The following KCTD1 variants were observed in gnomAD, a reference collection of about 807,000 sequenced individuals.
The protein encoded by KCTD1 is potassium channel tetramerization domain containing 1, also known as BTB/POZ domain-containing protein KCTD1.
A neutral mutation model predicts 66.0 loss-of-function variants in KCTD1; 24 were observed. That is an observed-to-expected ratio of 0.36 (90% CI 0.26 to 0.51). KCTD1 has a LOEUF of 0.51. Among genes scored for constraint, KCTD1 ranks in the 20% least tolerant of loss-of-function variants. The pLI is 0.95. For missense variants in KCTD1, 943 were observed against 1,205.2 expected, an observed-to-expected ratio of 0.78 and a Z score of 3.22; for synonymous variants, 511 against 517.2, an observed-to-expected ratio of 0.99 and a Z score of 0.16.
chr18:26,549,228 C>G (rs1040637714), upstream of KCTD1: 404 of 986,374 alleles, frequency 4.1e-4, no homozygotes, highest in African/African-American at 2.1e-3. Context: ...GCGGCGGCGG[C>G]GGCTCCCCCA....
At position 26,548,524 on chromosome 18, in the gene KCTD1, G is replaced by C; in HGVS notation, c.13C>G (p.Pro5Ala). 1 of 1,238,606 alleles carries C rather than the reference G, an allele frequency of 8.1e-7. No homozygotes were observed. The highest frequency in any genetic ancestry group is 1.0e-6 in the Non-Finnish European group (1 of 996,028). 76.7% of individuals were successfully genotyped at this position (1,238,606 alleles called of 1,614,324 possible). Residue 5 changes from proline (P) to alanine (A), a missense_variant, in exon 1 of 5, where the codon CCT becomes GCT. By Grantham distance (27) the Pro-to-Ala change is conservative. This residue lies in a region of KCTD1 where 236 missense variants were observed against 206.6 expected (regional missense o/e 1.14). Coordinates refer to ENST00000580059, the MANE Select transcript of KCTD1 (RefSeq NM_001142730.3). MARM[P>A]GSGDCNTSAG... ...CTGGTGTTACAGTCCCCGCTGCCAG[G>C]CATTCTCGCCATATTGCCGTCTCTC...
rs560259364 is a variant in KCTD1 at position 26,634,597 on chromosome 18, C to T, written c.-106-5360G>A. On this transcript the variant is annotated intron_variant, in intron 1 of 5. Coordinates refer to the KCTD1 transcript ENST00000579973. Reference sequence around the variant, plus strand: ...TATGTATGATATGATTACATGTGCACATTTATATAATTAAAATTTATATTT... The same window carrying T: ...TATGTATGATATGATTACATGTGCATATTTATATAATTAAAATTTATATTT... Among the ~76,000 whole-genome samples the T allele has an allele frequency of 3.3e-5, 5 of 152,190 alleles. No individual in the cohort carries two copies. The East Asian group carries it at 9.6e-4, about 29-fold the overall frequency.
At chr18:26,619,010 G>A (rs1014480678) in intron 1 of KCTD1, among the ~76,000 whole-genome samples, 1 of 152,058 alleles carries the variant, frequency 6.6e-6, no homozygotes, top group African/African-American at 2.4e-5. Flanking sequence ...TGGAGTCTTC[G>A]GCCTTCTCTG....
chr18:26,478,697 A>G (rs191160218), intron 2 of KCTD1, among the ~76,000 whole-genome samples: 208 of 152,332 alleles, frequency 1.4e-3, no homozygotes, highest in African/African-American at 4.7e-3. Flanking sequence ...GGAGTGCGGA[A>G]TGAGAATGGG....
intron 1 of KCTD1, among the ~76,000 whole-genome samples, chr18:26,656,303 C>G (rs1296190004): frequency 6.6e-6 from 1 of 151,962 alleles, no homozygotes; most frequent in Non-Finnish European, 1.5e-5. Flanking sequence ...CGCATCCTTC[C>G]CCCGTCCCAG....
At chr18:26,530,667 T>G (rs750488821) in intron 1 of KCTD1, among the ~76,000 whole-genome samples, 2 of 152,218 alleles carry the variant, frequency 1.3e-5, no homozygotes, top group Non-Finnish European at 2.9e-5. Context: ...AAATTAAAAT[T>G]GGAACATACG....
At position 26,546,864 on chromosome 18, in the gene KCTD1, C is replaced by A. The variant is rs866746973; in HGVS notation, c.1673G>T (p.Arg558Leu). The A allele has an allele frequency of 6.6e-7, 1 of 1,506,330 alleles. No homozygotes were observed. The allele number at this position is 1,506,330 out of a possible 1,614,324, so 93.3% of individuals were successfully genotyped here. A position where few individuals can be genotyped will look rare whatever the true frequency, so the allele number is the denominator to read the frequency against. The change falls in exon 1 of 5, where the codon CGC becomes CTC. Residue 558 changes from arginine to leucine, a missense_variant. Arg to Leu is a moderately radical substitution (Grantham distance 102, BLOSUM62 -2). This residue lies in a region of KCTD1 where 197 missense variants were observed against 182.7 expected (regional missense o/e 1.08). Transcript: ENST00000580059. ...CACCGCATCCACAGGCTCCGAGGGG[C>A]GGATACAAAGTCTTTTGGGGGAAGT... Reference protein sequence around the residue: ...GPTSPKRLCIRPSEPVDAVVV... With the variant: ...GPTSPKRLCILPSEPVDAVVV...
intron 1 of KCTD1, among the ~76,000 whole-genome samples, chr18:26,539,875 A>T (rs1452442678): frequency 1.3e-5 from 2 of 152,268 alleles, no homozygotes; most frequent in Admixed American, 1.3e-4. Flanking sequence ...GGATTTTTTC[A>T]AATATCAAGT....
chr18:26,462,928 G>GCTT (rs1980515029), intron 3 of KCTD1, among the ~76,000 whole-genome samples: 1 of 152,118 alleles, frequency 6.6e-6, no homozygotes, highest in Non-Finnish European at 1.5e-5. Context: ...CCTTTCTGGG[G>GCTT]CTTTTACAAA....
intron 1 of KCTD1, among the ~76,000 whole-genome samples, chr18:26,587,963 A>G (rs1986507279): frequency 6.6e-6 from 1 of 152,258 alleles, no homozygotes; most frequent in African/African-American, 2.4e-5. Context: ...GTTTTAGAAT[A>G]TGACATAAAT....
chr18:26,561,258 CA>C (rs1243073074), intron 1 of KCTD1, among the ~76,000 whole-genome samples: 1 of 152,096 alleles, frequency 6.6e-6, no homozygotes, highest in Non-Finnish European at 1.5e-5. Context: ...AAATCATTTA[CA>C]GTGGTGACTT....
chr18:26,550,809 A>G (rs2144855080), upstream of KCTD1, among the ~76,000 whole-genome samples: 1 of 152,340 alleles, frequency 6.6e-6, no homozygotes, highest in South Asian at 2.1e-4. This position sits in a 1 kb window ranked among gnomAD's most constrained non-coding sequence, Gnocchi z 5.4. Context: ...ACGAGCTGGC[A>G]CACACTAGTC....
intron 1 of KCTD1, among the ~76,000 whole-genome samples, chr18:26,625,782 A>C (rs1987485579): frequency 6.6e-6 from 1 of 152,188 alleles, no homozygotes; most frequent in Non-Finnish European, 1.5e-5. Flanking sequence ...ATGATGCAGT[A>C]GGTGTCTTTT....
Position 26,501,060 on chromosome 18 carries a change from T to G in KCTD1, c.1988+12A>C. The stretch of plus-strand genomic sequence containing the variant: ...GCACGTCGGAGTCTGATTTTTCAGT[T>G]TTTCAGATTACCTGGATTCAGGGTA... On this transcript the variant is annotated intron_variant, in intron 2 of 4. Transcript: ENST00000580059. 1 of 1,609,214 alleles carries G rather than the reference T, an allele frequency of 6.2e-7. No homozygotes were observed. Among genetic ancestry groups the G allele is most frequent in the Non-Finnish European group, 8.5e-7 (1 of 1,176,704 alleles).
chr18:26,596,191 T>C (rs748588555), intron 1 of KCTD1, among the ~76,000 whole-genome samples: 1 of 152,148 alleles, frequency 6.6e-6, no homozygotes, highest in Non-Finnish European at 1.5e-5. Flanking sequence ...GGAAGGTAAC[T>C]AGGGTTAGGT....
upstream of KCTD1, among the ~76,000 whole-genome samples, chr18:26,643,056 G>C (rs1410986763): frequency 1.3e-5 from 2 of 152,128 alleles, no homozygotes; most frequent in African/African-American, 4.8e-5. Flanking sequence ...AGACTGGGTG[G>C]CTTAAACAAC....
rs376594667 is a variant in KCTD1 at position 26,586,859 on chromosome 18, AG to A, written c.-16+42287del. ...AGGGGTGAGGTAGCTGTAGAAGAAA[AG>A]TTTGAAGCTAGCAGAGGTTGTTGGT... On this transcript the variant is annotated intron_variant, in intron 1 of 4. Coordinates refer to the KCTD1 transcript ENST00000317932. Among the ~76,000 whole-genome samples the A allele has an allele frequency of 8.5e-5, 13 of 152,340 alleles. No individual in the cohort carries two copies. In the East Asian group the frequency reaches 1.9e-3, roughly 23 times the overall value.
intron 1 of KCTD1, among the ~76,000 whole-genome samples, chr18:26,523,923 T>TG (rs1984035353): frequency 6.6e-6 from 1 of 152,214 alleles, no homozygotes; most frequent in Non-Finnish European, 1.5e-5. Flanking sequence ...GCACACTCAC[T>TG]GCTGGCCAAC....
chr18:26,657,174 G>T (rs1429538920), intron 1 of KCTD1, among the ~76,000 whole-genome samples: 2 of 151,856 alleles, frequency 1.3e-5, no homozygotes, highest in African/African-American at 4.8e-5. Context: ...CCCGGAGGAG[G>T]CGGCGGCCCC....
Sources: allele counts gnomAD v4.1 joint callset (sites outside exome capture counted in the v4.1 genomes callset), GRCh38; gene constraint gnomAD v4.1.1; regional missense constraint gnomAD v4.1.1; non-coding constraint Gnocchi (gnomAD v3.1); transcripts MANE v1.5; gene names NCBI Gene and HGNC (gene_info 2026-07-23, HGNC 2026-07-21).